SLC35F3: variants seen among roughly 807,000 people sequenced by gnomAD.
SLC35F3 encodes the protein solute carrier family 35 member F3.
In SLC35F3, 25 loss-of-function variants were observed where a neutral mutation model predicts 49.9. That is an observed-to-expected ratio of 0.50 (90% CI 0.37 to 0.70). The LOEUF is 0.70. Among genes scored for constraint, SLC35F3 ranks in the 30% least tolerant of loss-of-function variants. The pLI is 0.00. For missense variants in SLC35F3, 525 were observed against 639.8 expected (o/e 0.82, Z 1.94); for synonymous variants, 275 against 265.4 (o/e 1.04, Z -0.35).
chr1:234,132,636 T>C (rs1665752633), intron 2 of SLC35F3, among the ~76,000 whole-genome samples: 1 of 152,244 alleles, frequency 6.6e-6, no homozygotes, highest in Non-Finnish European at 1.5e-5. Flanking sequence ...TTGGACCATA[T>C]TTTTTAATTT....
chr1:234,102,314 G>A (rs1182183224), intron 2 of SLC35F3, among the ~76,000 whole-genome samples: 1 of 152,122 alleles, frequency 6.6e-6, no homozygotes, highest in Non-Finnish European at 1.5e-5. Context: ...GATCAGGTTT[G>A]TTTGGAATGG....
chr1:234,191,250 C>G (rs1404110522), intron 2 of SLC35F3, among the ~76,000 whole-genome samples: 2 of 152,160 alleles, frequency 1.3e-5, no homozygotes, highest in East Asian at 1.9e-4. Flanking sequence ...CAAGTACTCT[C>G]TCAGACCACA....
intron 2 of SLC35F3, among the ~76,000 whole-genome samples, chr1:234,019,597 T>C (rs1027053142): frequency 1.3e-5 from 2 of 152,140 alleles, no homozygotes; most frequent in Admixed American, 1.3e-4. Context: ...CCCACCTACA[T>C]TTTGGAAATC....
intron 7 of SLC35F3, among the ~76,000 whole-genome samples, chr1:234,322,637 C>A (rs1657647815): frequency 7.2e-6 from 1 of 138,866 alleles, no homozygotes; most frequent in Admixed American, 7.3e-5. Context: ...CCATGTTGTT[C>A]AAGGGTCAAA....
chr1:234,059,300 A>G (rs1056474589), intron 2 of SLC35F3, among the ~76,000 whole-genome samples: 4 of 151,338 alleles, frequency 2.6e-5, no homozygotes, highest in Non-Finnish European at 5.9e-5. Flanking sequence ...ACAGGCATTT[A>G]TAACTATAAA....
chr1:234,006,719 A>T (rs563965385), intron 2 of SLC35F3, among the ~76,000 whole-genome samples: 2 of 152,212 alleles, frequency 1.3e-5, no homozygotes, highest in Non-Finnish European at 2.9e-5. Context: ...CTGCAGCAGA[A>T]TGAGGGAGTG....
intron 3 of SLC35F3, among the ~76,000 whole-genome samples, chr1:234,282,486 A>T (rs752549499): frequency 6.6e-6 from 1 of 152,306 alleles, no homozygotes; most frequent in African/African-American, 2.4e-5. Context: ...CAGGCTGCCT[A>T]TCCTGGAACC....
intron 3 of SLC35F3, chr1:234,261,713 C>G (rs940329866): frequency 6.6e-6 from 1 of 152,262 alleles, no homozygotes; most frequent in East Asian, 1.9e-4. Flanking sequence ...TACCCACACT[C>G]TATTCAAAAT....
At chr1:234,217,605 G>C (rs941129520) in intron 2 of SLC35F3, among the ~76,000 whole-genome samples, 2 of 151,926 alleles carry the variant, frequency 1.3e-5, no homozygotes, top group African/African-American at 4.8e-5. Context: ...CCTTTCTGAG[G>C]GGAAGGCCTT....
intron 2 of SLC35F3, among the ~76,000 whole-genome samples, chr1:233,912,401 C>T (rs957551346): frequency 8.6e-5 from 13 of 152,046 alleles, no homozygotes; most frequent in African/African-American, 2.2e-4. Flanking sequence ...TGCTTGAATC[C>T]GGGAGGCGGA....
chr1:234,117,886 A>G (rs1665513115), intron 2 of SLC35F3, among the ~76,000 whole-genome samples: 1 of 140,014 alleles, frequency 7.1e-6, no homozygotes, highest in Non-Finnish European at 1.5e-5. Context: ...ACTCTGTCTC[A>G]AAAAAGAAAA....
chr1:234,153,803 G>A (rs1017877172), intron 2 of SLC35F3, among the ~76,000 whole-genome samples: 1 of 151,782 alleles, frequency 6.6e-6, no homozygotes, highest in African/African-American at 2.4e-5. Flanking sequence ...GCCGGACGCA[G>A]TGGCTCACGC....
At chr1:234,152,126 GA>G (rs1208326367) in intron 2 of SLC35F3, among the ~76,000 whole-genome samples, 2 of 148,860 alleles carry the variant, frequency 1.3e-5, no homozygotes, top group Admixed American at 6.7e-5. Context: ...TGACACATAG[GA>G]AAAAAAAGTG....
At chr1:234,322,015 TACAAAA>T (rs1337047972) in intron 7 of SLC35F3, among the ~76,000 whole-genome samples, 1 of 148,986 alleles carries the variant, frequency 6.7e-6, no homozygotes, top group Non-Finnish European at 1.5e-5. Context: ...ACCCCATCTC[TACAAAA>T]ATAATAATAA....
intron 2 of SLC35F3, among the ~76,000 whole-genome samples, chr1:234,043,192 T>C (rs991571227): frequency 3.9e-5 from 6 of 152,186 alleles, no homozygotes; most frequent in African/African-American, 1.4e-4. Context: ...AGAGTGACCT[T>C]ACACTTGATG....
At chr1:234,019,852 G>A (rs1476346499) in intron 2 of SLC35F3, among the ~76,000 whole-genome samples, 33 of 152,244 alleles carry the variant, frequency 2.2e-4, no homozygotes, top group South Asian at 1.9e-3. Context: ...TGTATTTAGC[G>A]TGTAAGGTCC....
chr1:234,146,708 T>C (rs1311678522), intron 2 of SLC35F3, among the ~76,000 whole-genome samples: 1 of 151,966 alleles, frequency 6.6e-6, no homozygotes, highest in African/African-American at 2.4e-5. Flanking sequence ...GAGACGGGGT[T>C]TCTCCATGTT....
intron 2 of SLC35F3, among the ~76,000 whole-genome samples, chr1:234,120,730 C>T (rs1665557703): frequency 6.6e-6 from 1 of 152,238 alleles, no homozygotes. Flanking sequence ...AGTTGGACCT[C>T]CTTATATGAG....
intron 3 of SLC35F3, among the ~76,000 whole-genome samples, chr1:234,251,987 T>C (rs1213537526): frequency 6.6e-6 from 1 of 151,810 alleles, no homozygotes; most frequent in African/African-American, 2.4e-5. Flanking sequence ...CAATACTAGA[T>C]AAAGACATGG....
Sources: gnomAD v4.1 joint callset for allele counts (sites outside exome capture counted in the v4.1 genomes callset) on GRCh38, gnomAD v4.1.1 for gene constraint, MANE v1.5 for transcripts, NCBI Gene and HGNC (gene_info 2026-07-23, HGNC 2026-07-21) for gene names.